The following SGCD variants were observed in gnomAD, a reference collection of about 807,000 sequenced individuals.
SGCD encodes the protein sarcoglycan delta, also known as delta-sarcoglycan.
A neutral mutation model predicts 36.6 loss-of-function variants in SGCD; 18 were observed. The ratio of observed to expected loss-of-function variants is 0.49; its 90% CI spans 0.34 to 0.73. The LOEUF (loss-of-function observed/expected upper bound fraction) is 0.73. Ranked by LOEUF, SGCD falls within the 30% of genes least tolerant of loss-of-function variation. SGCD has a pLI of 0.01. For synonymous variants in SGCD, 133 were observed against 130.6 expected, an observed-to-expected ratio of 1.02 and a Z score of -0.12; for missense variants, 387 against 346.7, an observed-to-expected ratio of 1.12 and a Z score of -0.92.
chr5:155,777,079 G>A, the SGCD span, among the ~76,000 whole-genome samples: 2 of 152,130 alleles, frequency 1.3e-5, no homozygotes, highest in Non-Finnish European at 2.9e-5. Flanking sequence ...AAGGGTTCCT[G>A]CTTGTGAGTT....
intron 4 of SGCD, among the ~76,000 whole-genome samples, chr5:156,526,963 C>T (rs1757669902): frequency 6.6e-6 from 1 of 152,158 alleles, no homozygotes. Context: ...ATAACAATGT[C>T]AGCCAGAGTT....
At chr5:155,976,154 A>G (rs1016140480) in intron 1 of SGCD, among the ~76,000 whole-genome samples, 1 of 152,184 alleles carries the variant, frequency 6.6e-6, no homozygotes, top group African/African-American at 2.4e-5. Context: ...TGATTTCAGA[A>G]TAATGGTTAC....
At chr5:155,933,596 G>A (rs1757139927) in intron 1 of SGCD, among the ~76,000 whole-genome samples, 1 of 152,200 alleles carries the variant, frequency 6.6e-6, no homozygotes. Flanking sequence ...TAGTGGCCAA[G>A]TGCATAGGTT....
intron 3 of SGCD, among the ~76,000 whole-genome samples, chr5:156,505,416 C>T (rs1299356799): frequency 1.3e-5 from 2 of 152,218 alleles, no homozygotes; most frequent in Non-Finnish European, 2.9e-5. Context: ...CCATTTTCCA[C>T]TTGGTCATTC....
intron 1 of SGCD, among the ~76,000 whole-genome samples, chr5:155,893,166 T>A (rs1756175447): frequency 6.6e-6 from 1 of 151,960 alleles, no homozygotes; most frequent in South Asian, 2.1e-4. Context: ...AGATCCTGGA[T>A]ATGCCTATAA....
chr5:155,880,117 C>A (rs1281145068), intron 1 of SGCD, among the ~76,000 whole-genome samples: 1 of 152,144 alleles, frequency 6.6e-6, no homozygotes, highest in Non-Finnish European at 1.5e-5. Flanking sequence ...GGCTCAAAAG[C>A]CAGTCCTGAA....
intron 3 of SGCD, among the ~76,000 whole-genome samples, chr5:156,279,840 C>T (rs1002436821): frequency 5.3e-5 from 8 of 152,016 alleles, no homozygotes; most frequent in African/African-American, 1.9e-4. Context: ...CAGTTTTGTA[C>T]AAAATTCAGG....
intron 1 of SGCD, among the ~76,000 whole-genome samples, chr5:155,985,677 G>A (rs928138341): frequency 2.0e-5 from 3 of 152,164 alleles, no homozygotes; most frequent in South Asian, 2.1e-4. Context: ...TGCAGATGTC[G>A]CAGAATTTGG....
intron 7 of SGCD, among the ~76,000 whole-genome samples, chr5:156,679,041 A>G (rs913021382): frequency 6.6e-6 from 1 of 152,230 alleles, no homozygotes; most frequent in African/African-American, 2.4e-5. Context: ...CCAGTGGAGA[A>G]TGCAGCATTT....
intron 7 of SGCD, among the ~76,000 whole-genome samples, chr5:156,673,914 T>C (rs1376531201): frequency 6.6e-6 from 1 of 152,212 alleles, no homozygotes; most frequent in Admixed American, 6.5e-5. Flanking sequence ...TGTGTACTGA[T>C]TAAAGTGTTG....
At chr5:156,024,634 A>T (rs950560987) in intron 1 of SGCD, among the ~76,000 whole-genome samples, 1 of 152,142 alleles carries the variant, frequency 6.6e-6, no homozygotes, top group Non-Finnish European at 1.5e-5. Flanking sequence ...TGATTCCTGC[A>T]GTGTTTCCCT....
intron 1 of SGCD, among the ~76,000 whole-genome samples, chr5:155,937,012 G>C (rs1434094647): frequency 6.6e-6 from 1 of 152,198 alleles, no homozygotes; most frequent in Non-Finnish European, 1.5e-5. Flanking sequence ...CAGGGAGTGG[G>C]GGGAGAGACC....
chr5:156,353,990 T>A (rs1218880467), intron 3 of SGCD, among the ~76,000 whole-genome samples: 1 of 152,182 alleles, frequency 6.6e-6, no homozygotes, highest in Non-Finnish European at 1.5e-5. Context: ...ATTGGGCATA[T>A]CTGCTTCAAT....
chr5:155,784,861 AAT>A, the SGCD span, among the ~76,000 whole-genome samples: 1 of 152,116 alleles, frequency 6.6e-6, no homozygotes, highest in East Asian at 1.9e-4. Flanking sequence ...AGTTTTTTAA[AAT>A]ATGACTTTAT....
chr5:155,754,807 T>C, the SGCD span, among the ~76,000 whole-genome samples: 1 of 152,248 alleles, frequency 6.6e-6, no homozygotes, highest in Non-Finnish European at 1.5e-5. Flanking sequence ...ATTTTATGCA[T>C]AGTAGTAGTT....
Position 156,014,522 on chromosome 5 carries a change from C to T in SGCD, c.-281-103356C>T, listed in dbSNP as rs192998542. ...TAAGTAGTTTGTATATACCACTTCC[C>T]TTAATGTTTCAATGTTTACATGCTA... On this transcript the variant is annotated intron_variant, in intron 1 of 9. Transcript: ENST00000517913. Among the ~76,000 whole-genome samples the T allele has an allele frequency of 1.0e-3, 153 of 152,090 alleles. 1 individual carries two copies. Among genetic ancestry groups the T allele is most frequent in the African/African-American group, 3.6e-3 (150 of 41,510 alleles).
intron 7 of SGCD, among the ~76,000 whole-genome samples, chr5:156,693,497 G>T (rs1050548264): frequency 6.6e-6 from 1 of 152,088 alleles, no homozygotes; most frequent in Non-Finnish European, 1.5e-5. Context: ...TTGAGAAATA[G>T]TTGAGAAGGT....
At chr5:155,802,149 C>T in the SGCD span, among the ~76,000 whole-genome samples, 292 of 152,290 alleles carry the variant, frequency 1.9e-3, no homozygotes, top group African/African-American at 6.4e-3. Flanking sequence ...TCCCAGGAGA[C>T]GACTTGAACT....
At chr5:156,238,104 C>T (rs780120526) in intron 3 of SGCD, among the ~76,000 whole-genome samples, 23 of 151,964 alleles carry the variant, frequency 1.5e-4, no homozygotes, top group Non-Finnish European at 3.1e-4. Context: ...CACCACCACA[C>T]CAGGCTAATT....
Sources: allele counts gnomAD v4.1 joint callset (sites outside exome capture counted in the v4.1 genomes callset), GRCh38; gene constraint gnomAD v4.1.1; transcripts MANE v1.5; gene names NCBI Gene and HGNC (gene_info 2026-07-23, HGNC 2026-07-21).